The following EXD3 variants were observed in gnomAD, a reference collection of about 807,000 sequenced individuals.
EXD3 encodes exonuclease mut-7 homolog.
A neutral mutation model predicts 98.0 loss-of-function variants in EXD3; 92 were observed. That is an observed-to-expected ratio of 0.94 (90% CI 0.79 to 1.12). The LOEUF is 1.12. Ranked by LOEUF, EXD3 falls within the 50% of genes most tolerant of loss-of-function variation. The probability of loss-of-function intolerance (pLI) is 0.00; values close to 1 mark genes in which losing one functional copy is unlikely to be tolerated. For synonymous variants in EXD3, 569 were observed against 526.0 expected, an observed-to-expected ratio of 1.08 and a Z score of -1.12; for missense variants, 1,222 against 1,191.6, an observed-to-expected ratio of 1.03 and a Z score of -0.38.
intron 1 of EXD3, among the ~76,000 whole-genome samples, chr9:137,417,480 G>A (rs1305459158): frequency 6.6e-6 from 1 of 152,148 alleles, no homozygotes; most frequent in Non-Finnish European, 1.5e-5. Context: ...GAGGCGGCGT[G>A]GCCACACCCC....
At chr9:137,328,641 GCTACACGGGA>G (rs1832662210) in intron 17 of EXD3, among the ~76,000 whole-genome samples, 2 of 21,772 alleles carry the variant, frequency 9.2e-5, no homozygotes, top group Non-Finnish European at 1.6e-4. Context: ...ACTACACGGG[GCTACACGGGA>G]CTACACGGGA....
Position 137,349,547 on chromosome 9 carries a change from C to A in EXD3, c.1495-16G>T. The A allele has an allele frequency of 6.4e-7, 1 of 1,558,050 alleles. No individual in the cohort carries two copies. Among genetic ancestry groups the A allele is most frequent in the South Asian group, 1.2e-5 (1 of 85,900 alleles). ...CCACCCGCATCTGCTAAGACAGTGC[C>A]CTGCAGGGTAACGCGTCTGGCCCTG... On this transcript the variant is annotated splice_polypyrimidine_tract_variant and intron_variant, in intron 14 of 21. Transcript: ENST00000340951. This position sits in a 1 kb window ranked among gnomAD's most constrained non-coding sequence, Gnocchi z 7.4.
intron 21 of EXD3, 30 bp downstream of exon 21, chr9:137,307,578 G>A (rs1195196595): frequency 1.2e-6 from 2 of 1,607,992 alleles, no homozygotes; most frequent in South Asian, 1.1e-5. Context: ...AGAAGCAGCT[G>A]TGTCCTTGGT....
At chr9:137,411,721 G>A (rs1311084176) in intron 1 of EXD3, among the ~76,000 whole-genome samples, 1 of 126,672 alleles carries the variant, frequency 7.9e-6, no homozygotes, top group East Asian at 2.5e-4. Context: ...GGAGGGGGAT[G>A]GGTGGGGGAG....
chr9:137,351,079 G>T lies in EXD3; in HGVS notation c.1453C>A (p.Gln485Lys). The change falls in exon 14 of 22, where the codon CAG becomes AAG. Residue 485 changes from glutamine (Q) to lysine (K), a missense_variant. Coordinates refer to ENST00000340951, the MANE Select transcript of EXD3 (RefSeq NM_017820.5). ...AGCAGGTCCATGCCGCCCAGAATCT[G>T]CTTCTCCACATGGGCCAGGGCGGGG... ...SCPALAHVEKQILGGMDLLLV... is the reference protein window; with the variant it reads ...SCPALAHVEKKILGGMDLLLV... 6.3e-7 allele frequency: 1 copy of T among 1,580,058 alleles called. No homozygotes were observed. Among genetic ancestry groups the T allele is most frequent in the African/African-American group, 1.3e-5 (1 of 74,222 alleles).
intron 19 of EXD3, among the ~76,000 whole-genome samples, chr9:137,310,042 G>A (rs903741246): frequency 6.6e-6 from 1 of 152,260 alleles, no homozygotes; most frequent in East Asian, 1.9e-4. Flanking sequence ...TGGCGTGTTG[G>A]ACACAGGGCC....
At chr9:137,368,692 G>T (rs986277662) in intron 5 of EXD3, among the ~76,000 whole-genome samples, 2 of 152,252 alleles carry the variant, frequency 1.3e-5, no homozygotes, top group Non-Finnish European at 2.9e-5. Flanking sequence ...CCAAAATAGC[G>T]GCCTGGGAAA....
At chr9:137,377,557 T>C (rs1835974400) in intron 3 of EXD3, among the ~76,000 whole-genome samples, 1 of 151,596 alleles carries the variant, frequency 6.6e-6, no homozygotes. Flanking sequence ...GAGGATCGCT[T>C]GAGGTCAGAA....
At chr9:137,355,253 G>A (rs548077434) in intron 8 of EXD3, among the ~76,000 whole-genome samples, 131 of 152,282 alleles carry the variant, frequency 8.6e-4, no homozygotes, top group African/African-American at 2.8e-3. Context: ...GGGCCCCGGG[G>A]AGGGCACCAC....
chr9:137,399,097 T>C (rs1413854129), intron 1 of EXD3, among the ~76,000 whole-genome samples: 1 of 152,226 alleles, frequency 6.6e-6, no homozygotes, highest in Non-Finnish European at 1.5e-5. Flanking sequence ...ACACGCACAC[T>C]GCACCTCCAC....
chr9:137,421,819 C>G (rs1047147932), intron 1 of EXD3, among the ~76,000 whole-genome samples: 2 of 152,132 alleles, frequency 1.3e-5, no homozygotes, highest in Admixed American at 1.3e-4. Flanking sequence ...GCATGGGTGA[C>G]AGAGCAAGAC....
chr9:137,330,315 A>T (rs1832966366), intron 17 of EXD3, among the ~76,000 whole-genome samples: 1 of 138,330 alleles, frequency 7.2e-6, no homozygotes, highest in Non-Finnish European at 1.5e-5. Flanking sequence ...CAGGAACTAC[A>T]CCGGAGCTAC....
At position 137,371,909 on chromosome 9, in the gene EXD3, G is replaced by C. The variant is rs1022057141; in HGVS notation, c.462+996C>G. 6.6e-6 allele frequency among the ~76,000 whole-genome samples: 1 copy of C among 151,950 alleles called. No homozygotes were observed. Among genetic ancestry groups the C allele is most frequent in the South Asian group, 2.1e-4 (1 of 4,804 alleles). On this transcript the variant is annotated intron_variant, in intron 5 of 21. Coordinates refer to ENST00000340951, the MANE Select transcript of EXD3 (RefSeq NM_017820.5). The surrounding 1 kb of genome is among the most constrained non-coding windows in gnomAD (Gnocchi z 8.0). ...AACAGCTCAGAGCCACCCCACGCAA[G>C]ACGGCCGCCTCCCTACCCACTGCAG...
chr9:137,402,325 T>G (rs1837515269), intron 1 of EXD3, among the ~76,000 whole-genome samples: 1 of 152,160 alleles, frequency 6.6e-6, no homozygotes, highest in Non-Finnish European at 1.5e-5. Flanking sequence ...CAGAATGCTT[T>G]TAACAGCATC....
chr9:137,343,296 T>A (rs1833742574), intron 17 of EXD3: 1 of 152,200 alleles, frequency 6.6e-6, no homozygotes, highest in African/African-American at 2.4e-5. Context: ...TTCAGCAATT[T>A]TACTTCTGCA....
chr9:137,405,399 T>G lies in EXD3; in HGVS notation c.-47-9995A>C, dbSNP rs1185574649. Among the ~76,000 whole-genome samples, 1 of 152,242 alleles carries G rather than the reference T, an allele frequency of 6.6e-6. No homozygotes were observed. Among genetic ancestry groups the G allele is most frequent in the Non-Finnish European group, 1.5e-5 (1 of 68,036 alleles). ...CAGGGTGGGCCCCCCACACAGGTCC[T>G]GGACTCATTCGTGCTGGTGTCCGTG... On this transcript the variant is annotated intron_variant, in intron 1 of 21. Coordinates refer to ENST00000340951, the MANE Select transcript of EXD3 (RefSeq NM_017820.5). This position sits in a 1 kb window ranked among gnomAD's most constrained non-coding sequence, Gnocchi z 4.1.
At chr9:137,406,550 C>T (rs1006865219) in intron 1 of EXD3, among the ~76,000 whole-genome samples, 2 of 152,190 alleles carry the variant, frequency 1.3e-5, no homozygotes. Flanking sequence ...TGGCGTGCCC[C>T]GTGGCCGTCT....
At position 137,355,811 on chromosome 9, in the gene EXD3, G is replaced by A. The variant is rs141625680; in HGVS notation, c.757+457C>T. On this transcript the variant is annotated intron_variant, in intron 8 of 21. Transcript: ENST00000340951. ...AGCCTGTACCCTCCTGAGATTCAAG[G>A]GCCCCATGGAAGGGGCCTCAGTGCA... Among the ~76,000 whole-genome samples, 418 of 152,190 alleles carry A rather than the reference G, an allele frequency of 2.7e-3. 1 individual carries two copies. Among genetic ancestry groups the A allele is most frequent in the Non-Finnish European group, 4.8e-3 (325 of 67,984 alleles).
intron 3 of EXD3, 69 bp from the exon 4 acceptor site, chr9:137,373,668 C>T (rs981205067): frequency 5.9e-5 from 86 of 1,450,018 alleles, no homozygotes; most frequent in Middle Eastern, 1.8e-4. Flanking sequence ...GCCTCCCCAC[C>T]GCAGAGAGGT....
Sources: gnomAD v4.1 joint callset for allele counts (sites outside exome capture counted in the v4.1 genomes callset) on GRCh38, gnomAD v4.1.1 for gene constraint, Gnocchi (gnomAD v3.1) non-coding constraint, MANE v1.5 for transcripts, NCBI Gene and HGNC (gene_info 2026-07-23, HGNC 2026-07-21) for gene names.